TEC: variants seen among roughly 807,000 people sequenced by gnomAD.
The protein encoded by TEC is tec protein tyrosine kinase, also known as tyrosine-protein kinase Tec.
Under a neutral mutation model 93.0 loss-of-function variants are expected in TEC, and 72 were observed. That is an observed-to-expected ratio of 0.77 (90% confidence interval 0.64 to 0.94). The LOEUF (loss-of-function observed/expected upper bound fraction) is 0.94. Among genes scored for constraint, TEC ranks in the 40% least tolerant of loss-of-function variants. The pLI is 0.00. For synonymous variants in TEC, 249 were observed against 247.7 expected (o/e 1.01, Z -0.05); for missense variants, 630 against 757.9 (o/e 0.83, Z 1.98).
At chr4:48,247,040 G>T (rs377055397) in intron 1 of TEC, among the ~76,000 whole-genome samples, 1 of 152,050 alleles carries the variant, frequency 6.6e-6, no homozygotes, top group African/African-American at 2.4e-5. Flanking sequence ...AACACTTACC[G>T]TTAAACAAGA....
chr4:48,146,397 G>A lies in TEC; in HGVS notation c.1009C>T (p.Leu337Phe). 1 of 1,613,502 alleles carries A rather than the reference G, an allele frequency of 6.2e-7. No individual in the cohort carries two copies. The highest frequency in any genetic ancestry group is 1.1e-5 in the South Asian group (1 of 91,042). ...IEYHKHNAAG[L>F]VTRLRYPVSV... ...ACTGGGTACCGAAGCCTGGTGACAA[G>A]TCCTAATAATCAAAGAAAGCGTTGC... Residue 337 changes from leucine (L) to phenylalanine (F), a missense_variant and splice_region_variant, in exon 12 of 18, where the codon CTT (leucine) becomes TTT (phenylalanine). By Grantham distance (22) the Leu-to-Phe change is conservative. Coordinates refer to ENST00000381501, the MANE Select transcript of TEC (RefSeq NM_003215.3).
rs745681330 is a variant in TEC at position 48,141,372 on chromosome 4, A to T, written c.1518T>A (p.Ser506=). ...LVSEAGVVKV[S]DFGMARYVLD... ...GGACATACCTGGCCATTCCAAAATC[A>T]GATACTTTTACAACTCCCGCCTCAC... The change falls in exon 15 of 18, where the codon TCT becomes TCA. Residue 506 remains serine, a synonymous_variant. Transcript: ENST00000381501. 2 of 1,613,922 alleles carry T rather than the reference A, an allele frequency of 1.2e-6. No individual in the cohort carries two copies. The highest frequency in any genetic ancestry group is 1.7e-6 in the Non-Finnish European group (2 of 1,179,948).
intron 2 of TEC, among the ~76,000 whole-genome samples, chr4:48,227,837 G>A (rs1723523709): frequency 3.9e-5 from 6 of 152,072 alleles, no homozygotes; most frequent in Admixed American, 3.3e-4. Context: ...AAAAGAACCA[G>A]AGGTGATTGC....
At chr4:48,144,636 C>T (rs1719827450) in intron 14 of TEC, among the ~76,000 whole-genome samples, 1 of 152,072 alleles carries the variant, frequency 6.6e-6, no homozygotes, top group Non-Finnish European at 1.5e-5. Context: ...TTTAAAAATC[C>T]AAAGGATTTC....
chr4:48,211,172 C>G (rs185431033), intron 2 of TEC, among the ~76,000 whole-genome samples: 12 of 152,320 alleles, frequency 7.9e-5, no homozygotes, highest in African/African-American at 2.2e-4. Context: ...CTCTTAGTCT[C>G]TCACTCCCTA....
chr4:48,144,513 G>A (rs748669721), intron 14 of TEC, among the ~76,000 whole-genome samples: 4 of 152,180 alleles, frequency 2.6e-5, no homozygotes, highest in Non-Finnish European at 4.4e-5. Context: ...GAGAACAGGT[G>A]AGAAGGGAAA....
chr4:48,208,816 A>G (rs1188358060), intron 2 of TEC, among the ~76,000 whole-genome samples: 2 of 152,244 alleles, frequency 1.3e-5, no homozygotes, highest in Non-Finnish European at 2.9e-5. Context: ...CACAGAGCCT[A>G]CAACAGTACT....
In TEC at chr4:48,235,171, G is replaced by A. The variant is rs150979160; in HGVS notation, c.-45-6512C>T. On this transcript the variant is annotated intron_variant, in intron 1 of 17. Transcript: ENST00000381501. ...GGACTTCCTTATTAAACTGATTCAC[G>A]TAGACTGTAATCTTCTGTTTTCAGG... 1.2e-4 allele frequency among the ~76,000 whole-genome samples: 18 copies of A among 152,104 alleles called. No homozygotes were observed. The East Asian group carries it at 2.3e-3, about 20-fold the overall frequency.
At position 48,183,718 on chromosome 4, in the gene TEC, T is replaced by C. The variant is rs1455863092; in HGVS notation, c.139-7532A>G. 3.3e-5 allele frequency among the ~76,000 whole-genome samples: 5 copies of C among 152,334 alleles called. No individual in the cohort carries two copies. The East Asian group carries it at 5.8e-4, about 18-fold the overall frequency. On this transcript the variant is annotated intron_variant, in intron 2 of 17. Transcript: ENST00000381501. ...GTGTCTCCACATTGCAGATGGCAGATTGTGGGACTTCTCAGCCTCCATAAT... is the reference window on the plus strand; with the variant it reads ...GTGTCTCCACATTGCAGATGGCAGACTGTGGGACTTCTCAGCCTCCATAAT...
At chr4:48,162,912 C>T (rs2109535132) in intron 8 of TEC, among the ~76,000 whole-genome samples, 1 of 152,306 alleles carries the variant, frequency 6.6e-6, no homozygotes, top group East Asian at 1.9e-4. Context: ...ATCTGGAAAG[C>T]AATTTGACAG....
intron 1 of TEC, among the ~76,000 whole-genome samples, chr4:48,234,460 T>G (rs1002243756): frequency 6.6e-6 from 1 of 152,024 alleles, no homozygotes; most frequent in Non-Finnish European, 1.5e-5. Context: ...TGGCCAAGAG[T>G]ACAACCAGTC....
intron 2 of TEC, among the ~76,000 whole-genome samples, chr4:48,176,550 C>T (rs1721334758): frequency 6.6e-6 from 1 of 152,026 alleles, no homozygotes; most frequent in South Asian, 2.1e-4. Flanking sequence ...GCAAAACCCC[C>T]ATCTCTATTA....
intron 1 of TEC, among the ~76,000 whole-genome samples, chr4:48,260,283 T>G (rs1388955318): frequency 1.3e-5 from 2 of 152,116 alleles, no homozygotes; most frequent in Admixed American, 6.6e-5. Flanking sequence ...CTAAAACTGA[T>G]GAATAAAAGC....
chr4:48,230,005 G>A (rs1205923157), intron 1 of TEC, among the ~76,000 whole-genome samples: 4 of 151,976 alleles, frequency 2.6e-5, no homozygotes, highest in Non-Finnish European at 5.9e-5. Flanking sequence ...AACCTGGGAG[G>A]TGGAAGTTTC....
intron 2 of TEC, among the ~76,000 whole-genome samples, chr4:48,182,945 C>T (rs536122677): frequency 6.6e-6 from 1 of 152,194 alleles, no homozygotes; most frequent in East Asian, 1.9e-4. Context: ...AGAGTCCCCA[C>T]CACACACAGG....
In TEC at chr4:48,167,782, A is replaced by G; in HGVS notation, c.667T>C (p.Tyr223His). The change falls in exon 7 of 18, where the codon TAT (tyrosine) becomes CAT (histidine). Residue 223 changes from tyrosine (Y) to histidine (H), a missense_variant. Tyr to His is a moderately conservative substitution (Grantham distance 83). This residue lies in a region of TEC where 335 missense variants were observed against 351.5 expected (regional missense o/e 0.95). Transcript: ENST00000381501. ...DVHWWRARDK[Y>H]GNEGYIPSNY... ...ACACATAGAGGGAATACTTACCCAT[A>G]TTTATCTCTTGCTCTCCACCAATGA... 6.2e-7 allele frequency: 1 copy of G among 1,613,592 alleles called. No homozygotes were observed.
At chr4:48,250,637 G>A (rs1471743064) in intron 1 of TEC, among the ~76,000 whole-genome samples, 5 of 152,144 alleles carry the variant, frequency 3.3e-5, no homozygotes, top group Non-Finnish European at 7.4e-5. Flanking sequence ...TAGCCTACTA[G>A]AGGGATGTAA....
intron 1 of TEC, among the ~76,000 whole-genome samples, chr4:48,264,464 C>G (rs761439657): frequency 1.3e-5 from 2 of 152,146 alleles, no homozygotes; most frequent in Non-Finnish European, 2.9e-5. Flanking sequence ...GTCTTCTTTT[C>G]CACTTACTGA....
At chr4:48,167,046 C>A (rs1029037639) in intron 7 of TEC, among the ~76,000 whole-genome samples, 1 of 151,972 alleles carries the variant, frequency 6.6e-6, no homozygotes, top group Non-Finnish European at 1.5e-5. Flanking sequence ...AGTGGGATTG[C>A]ACTGCAGAGG....
Sources: gnomAD v4.1 joint callset for allele counts (sites outside exome capture counted in the v4.1 genomes callset) on GRCh38, gnomAD v4.1.1 for gene constraint, gnomAD v4.1.1 regional missense constraint, MANE v1.5 for transcripts, NCBI Gene and HGNC (gene_info 2026-07-23, HGNC 2026-07-21) for gene names.